ULK4: variants seen among roughly 807,000 people sequenced by gnomAD.
ULK4 encodes the protein inactive serine/threonine-protein kinase ULK4.
A neutral mutation model predicts 160.6 loss-of-function variants in ULK4; 133 were observed. That is an observed-to-expected ratio of 0.83 (90% CI 0.72 to 0.96). The LOEUF is 0.96. ULK4 is among the 40% of genes least tolerant of loss of function. The probability of loss-of-function intolerance (pLI) is 0.00; values close to 1 mark genes in which losing one functional copy is unlikely to be tolerated. For synonymous variants in ULK4, 534 were observed against 539.8 expected, an observed-to-expected ratio of 0.99 and a Z score of 0.15; for missense variants, 1,580 against 1,499.5, an observed-to-expected ratio of 1.05 and a Z score of -0.89.
chr3:41,681,147 G>A (rs1049509809), intron 29 of ULK4, among the ~76,000 whole-genome samples: 2 of 152,128 alleles, frequency 1.3e-5, no homozygotes, highest in African/African-American at 4.8e-5. Flanking sequence ...TTATTTCTGA[G>A]TAGAGCCAGG....
intron 25 of ULK4, among the ~76,000 whole-genome samples, chr3:41,708,441 A>G (rs1238160046): frequency 2.0e-5 from 3 of 152,132 alleles, no homozygotes; most frequent in Non-Finnish European, 4.4e-5. Context: ...GACAAATATC[A>G]TGTGGTCTCA....
intron 21 of ULK4, among the ~76,000 whole-genome samples, chr3:41,770,920 C>T (rs575469691): frequency 1.3e-5 from 2 of 152,078 alleles, no homozygotes; most frequent in African/African-American, 4.8e-5. Context: ...TCTAAAGAAG[C>T]CTTTTTATTT....
At chr3:41,293,367 G>C (rs1457128615) in intron 35 of ULK4, among the ~76,000 whole-genome samples, 1 of 152,152 alleles carries the variant, frequency 6.6e-6, no homozygotes, top group South Asian at 2.1e-4. Context: ...TCAGGAAGTG[G>C]CAAAGAGAGA....
At chr3:41,868,401 T>C (rs979423943) in intron 17 of ULK4, among the ~76,000 whole-genome samples, 2 of 152,244 alleles carry the variant, frequency 1.3e-5, no homozygotes, top group Non-Finnish European at 2.9e-5. Flanking sequence ...TTAAGCTTTC[T>C]TGTTACTAGT....
intron 31 of ULK4, among the ~76,000 whole-genome samples, chr3:41,582,050 T>G (rs1267330205): frequency 6.6e-6 from 1 of 152,188 alleles, no homozygotes; most frequent in Non-Finnish European, 1.5e-5. Flanking sequence ...AATCTCATCT[T>G]GAATTGTAGT....
At chr3:41,576,067 A>G (rs970328721) in intron 31 of ULK4, among the ~76,000 whole-genome samples, 1 of 152,178 alleles carries the variant, frequency 6.6e-6, no homozygotes, top group African/African-American at 2.4e-5. Flanking sequence ...CACACAACAC[A>G]CTATCTGAGC....
At chr3:41,504,707 T>C (rs910699574) in intron 32 of ULK4, among the ~76,000 whole-genome samples, 1 of 152,218 alleles carries the variant, frequency 6.6e-6, no homozygotes, top group East Asian at 1.9e-4. Context: ...AATTTTGTAC[T>C]ATATCTGAAC....
chr3:41,928,118 A>G (rs1342058871), intron 5 of ULK4, among the ~76,000 whole-genome samples: 2 of 152,244 alleles, frequency 1.3e-5, no homozygotes, highest in East Asian at 3.8e-4. Context: ...AACACTCCTC[A>G]GCAAATGCAA....
chr3:41,719,554 A>G (rs1372951161), intron 22 of ULK4, among the ~76,000 whole-genome samples: 1 of 152,172 alleles, frequency 6.6e-6, no homozygotes, highest in Non-Finnish European at 1.5e-5. Flanking sequence ...AAACCAGAAA[A>G]CTAGGAGAGT....
At chr3:41,954,176 T>TAA (rs11325222) in intron 2 of ULK4, among the ~76,000 whole-genome samples, 1,897 of 118,586 alleles carry the variant, frequency 0.016, 23 homozygotes, top group Non-Finnish European at 0.021. Flanking sequence ...GACTCCGTCT[T>TAA]AAAAAAAAAA....
chr3:41,455,147 T>G (rs1365343990), intron 34 of ULK4, among the ~76,000 whole-genome samples: 1 of 152,184 alleles, frequency 6.6e-6, no homozygotes, highest in Non-Finnish European at 1.5e-5. Flanking sequence ...GGGGAAGTCC[T>G]GCATGCCAAG....
At chr3:41,385,182 A>G (rs1338128348) in intron 35 of ULK4, among the ~76,000 whole-genome samples, 1 of 152,234 alleles carries the variant, frequency 6.6e-6, no homozygotes, top group Non-Finnish European at 1.5e-5. Flanking sequence ...TTTAGAAAAC[A>G]CATACATACA....
chr3:41,284,331 C>T (rs761378238), intron 35 of ULK4, among the ~76,000 whole-genome samples: 9 of 152,114 alleles, frequency 5.9e-5, no homozygotes, highest in Non-Finnish European at 1.3e-4. Context: ...ATCACACTAC[C>T]TGATTTCACA....
intron 27 of ULK4, among the ~76,000 whole-genome samples, chr3:41,696,851 A>G (rs370137971): frequency 5.3e-5 from 8 of 152,196 alleles, no homozygotes; most frequent in East Asian, 3.8e-4. Context: ...AGATGTAACA[A>G]TAAAAGCAGA....
chr3:41,637,232 G>C (rs1001385965), intron 30 of ULK4, among the ~76,000 whole-genome samples: 3 of 152,076 alleles, frequency 2.0e-5, no homozygotes, highest in Non-Finnish European at 4.4e-5. Flanking sequence ...GTAACCACCA[G>C]TCTCCTCTCT....
At chr3:41,871,310 T>A (rs1022425175) in intron 17 of ULK4, among the ~76,000 whole-genome samples, 1 of 152,212 alleles carries the variant, frequency 6.6e-6, no homozygotes, top group Non-Finnish European at 1.5e-5. Context: ...TAAGTAGTAT[T>A]CTAAGTATGA....
At chr3:41,579,989 A>G (rs138093561) in intron 31 of ULK4, among the ~76,000 whole-genome samples, 2 of 152,254 alleles carry the variant, frequency 1.3e-5, no homozygotes, top group East Asian at 3.9e-4. Context: ...TTCTTGACTC[A>G]TGGAGCACAC....
chr3:41,844,086 C>T (rs938030135), intron 17 of ULK4, among the ~76,000 whole-genome samples: 17 of 152,226 alleles, frequency 1.1e-4, no homozygotes, highest in African/African-American at 2.2e-4. Flanking sequence ...CCACCAGACT[C>T]GGGAGCACCG....
intron 35 of ULK4, among the ~76,000 whole-genome samples, chr3:41,270,692 T>C (rs2079124590): frequency 1.3e-5 from 2 of 152,206 alleles, no homozygotes; most frequent in Admixed American, 1.3e-4. Flanking sequence ...TCATTTAAGC[T>C]TCTGTTAAAT....
Sources: gnomAD v4.1 joint callset for allele counts (sites outside exome capture counted in the v4.1 genomes callset) on GRCh38, gnomAD v4.1.1 for gene constraint, MANE v1.5 for transcripts, NCBI Gene and HGNC (gene_info 2026-07-23, HGNC 2026-07-21) for gene names.